SLC25A17: variants seen among roughly 807,000 people sequenced by gnomAD.
The protein encoded by SLC25A17 is peroxisomal membrane protein PMP34.
A neutral mutation model predicts 38.5 loss-of-function variants in SLC25A17; 26 were observed. The ratio of observed to expected loss-of-function variants is 0.68; its 90% CI spans 0.50 to 0.94. The LOEUF is 0.94. Ranked by LOEUF, SLC25A17 falls within the 40% of genes least tolerant of loss-of-function variation. The probability of loss-of-function intolerance (pLI) is 0.00; values close to 1 mark genes in which losing one functional copy is unlikely to be tolerated. For missense variants in SLC25A17, 333 were observed against 372.7 expected, an observed-to-expected ratio of 0.89 and a Z score of 0.88; for synonymous variants, 139 against 136.2, an observed-to-expected ratio of 1.02 and a Z score of -0.14.
chr22:40,771,380 G>A (rs1181584563), intron 8 of SLC25A17, among the ~76,000 whole-genome samples: 1 of 152,186 alleles, frequency 6.6e-6, no homozygotes, highest in Non-Finnish European at 1.5e-5. Flanking sequence ...AAAGTGCTGG[G>A]ATTACAGGTG....
At chr22:40,779,231 A>C (rs780481388) in intron 4 of SLC25A17, 106 bp from the exon 5 acceptor site, 22 of 1,570,330 alleles carry the variant, frequency 1.4e-5, no homozygotes, top group Non-Finnish European at 1.8e-5. Context: ...TCTGTCACTG[A>C]CCTCTTAGGA....
At chr22:40,808,892 A>G (rs1324576312) in intron 1 of SLC25A17, among the ~76,000 whole-genome samples, 4 of 152,224 alleles carry the variant, frequency 2.6e-5, no homozygotes, top group Non-Finnish European at 5.9e-5. Context: ...ATTCTCTCAC[A>G]GTGTGTAGCA....
In SLC25A17 at chr22:40,770,283, T is replaced by C. The variant is rs922609050; in HGVS notation, c.*551A>G. ...AACAATTTTCATTTCACAAAATAAA[T>C]AGCTCATATCCAAAAAAGACACCTC... On this transcript the variant is annotated 3_prime_UTR_variant, in exon 9 of 9. Transcript: ENST00000435456. The C allele has an allele frequency of 6.6e-6, 1 of 151,992 alleles. No individual in the cohort carries two copies. The highest frequency in any genetic ancestry group is 2.4e-5 in the African/African-American group (1 of 41,394). The allele number at this position is 151,992 out of a possible 1,614,324, so 9.4% of individuals were successfully genotyped here. A position where few individuals can be genotyped will look rare whatever the true frequency, so the allele number is the denominator to read the frequency against.
At chr22:40,778,938 T>A in intron 5 of SLC25A17, 71 bp downstream of exon 5, 1 of 1,305,114 alleles carries the variant, frequency 7.7e-7, no homozygotes, top group Non-Finnish European at 1.1e-6. Flanking sequence ...TGTAGCTTTA[T>A]GTGGCAACAT....
chr22:40,816,940 C>T (rs770427854), intron 1 of SLC25A17, among the ~76,000 whole-genome samples: 1 of 152,164 alleles, frequency 6.6e-6, no homozygotes, highest in Non-Finnish European at 1.5e-5. Context: ...TCCCCTATTG[C>T]AATGCATAGT....
intron 1 of SLC25A17, among the ~76,000 whole-genome samples, chr22:40,803,820 G>GTTTTTTTTTT (rs772323398): frequency 8.5e-6 from 1 of 117,448 alleles, no homozygotes; most frequent in Non-Finnish European, 1.9e-5. Flanking sequence ...GCTAGTTTTT[G>GTTTTTTTTTT]TTTTTTTTTT....
intron 5 of SLC25A17, among the ~76,000 whole-genome samples, chr22:40,777,816 T>C (rs541512686): frequency 1.3e-5 from 2 of 151,522 alleles, no homozygotes; most frequent in East Asian, 1.9e-4. Context: ...TTTCTTGCAA[T>C]GATAGTTTGG....
intron 1 of SLC25A17, among the ~76,000 whole-genome samples, chr22:40,802,481 C>T (rs1034344600): frequency 1.3e-5 from 2 of 152,026 alleles, no homozygotes; most frequent in African/African-American, 4.8e-5. Flanking sequence ...TCCCCCTCTA[C>T]TAAAAATACA....
At chr22:40,777,003 C>T (rs1283305744) in intron 7 of SLC25A17, 37 bp downstream of exon 7, 6 of 1,532,886 alleles carry the variant, frequency 3.9e-6, no homozygotes, top group African/African-American at 2.7e-5. Context: ...TATTCGAATG[C>T]TGTTTGACTA....
intron 4 of SLC25A17, chr22:40,780,314 G>T (rs2057283110): frequency 6.6e-6 from 1 of 152,040 alleles, no homozygotes; most frequent in Non-Finnish European, 1.5e-5. Flanking sequence ...AAAATAAAAG[G>T]CATCACCTAA....
At position 40,769,929 on chromosome 22, in the gene SLC25A17, T is replaced by C. The variant is rs2057165342; in HGVS notation, c.*905A>G. 1 of 152,198 alleles carries C rather than the reference T, an allele frequency of 6.6e-6. No individual in the cohort carries two copies. Among genetic ancestry groups the C allele is most frequent in the African/African-American group, 2.4e-5 (1 of 41,452 alleles). The allele number at this position is 152,198 out of a possible 1,614,324, so 9.4% of individuals were successfully genotyped here. On this transcript the variant is annotated 3_prime_UTR_variant, in exon 9 of 9. Coordinates refer to ENST00000435456, the MANE Select transcript of SLC25A17 (RefSeq NM_006358.4). The stretch of plus-strand genomic sequence containing the variant: ...TGAAATAACCTCAACCAGATGTTTA[T>C]TTTCAAAATATACGGCCTACACCAA...
intron 1 of SLC25A17, among the ~76,000 whole-genome samples, chr22:40,818,890 G>C (rs992716440): frequency 6.6e-6 from 1 of 152,044 alleles, no homozygotes; most frequent in Non-Finnish European, 1.5e-5. Flanking sequence ...GTGTGTGAGT[G>C]TGCGGTGGTA....
chr22:40,785,484 T>C (rs2057330200), intron 4 of SLC25A17, among the ~76,000 whole-genome samples: 1 of 152,220 alleles, frequency 6.6e-6, no homozygotes, highest in Admixed American at 6.5e-5. Flanking sequence ...AAAGGAGTTA[T>C]CCACATGGTT....
chr22:40,795,946 C>T (rs1000827927), intron 2 of SLC25A17, among the ~76,000 whole-genome samples: 2 of 152,046 alleles, frequency 1.3e-5, no homozygotes, highest in African/African-American at 4.8e-5. Flanking sequence ...TGCCACCATG[C>T]CCAGCTAATT....
Position 40,792,548 on chromosome 22 carries a change from T to A in SLC25A17, c.311A>T (p.Asp104Val). 6.2e-7 allele frequency: 1 copy of A among 1,612,686 alleles called. No individual in the cohort carries two copies. The highest frequency in any genetic ancestry group is 8.5e-7 in the Non-Finnish European group (1 of 1,179,270). Residue 104 changes from aspartate to valine, a missense_variant, in exon 4 of 9, where the codon GAT becomes GTT. Physicochemically the swap from Asp to Val is radical, Grantham distance 152. Coordinates refer to ENST00000435456, the MANE Select transcript of SLC25A17 (RefSeq NM_006358.4). Reference protein sequence around the residue: ...VKGQHSTTGKDLVVGFVAGVV... With the variant: ...VKGQHSTTGKVLVVGFVAGVV... Reference sequence around the variant, plus strand: ...ACCTGCAACAAACCCAACTACCAGATCTTTTCCAGTGGTAGAATGTTGACC... The same window carrying A: ...ACCTGCAACAAACCCAACTACCAGAACTTTTCCAGTGGTAGAATGTTGACC...
At chr22:40,808,243 C>A (rs1333533541) in intron 1 of SLC25A17, among the ~76,000 whole-genome samples, 1 of 152,206 alleles carries the variant, frequency 6.6e-6, no homozygotes, top group Non-Finnish European at 1.5e-5. Flanking sequence ...TTACAACACT[C>A]TATCTTCCCA....
At chr22:40,818,702 TC>T (rs1313828879) in intron 1 of SLC25A17, among the ~76,000 whole-genome samples, 154 of 119,056 alleles carry the variant, frequency 1.3e-3, no homozygotes, top group African/African-American at 5.0e-3. Flanking sequence ...CAAGACCCTG[TC>T]CGGAAAAAAA....
chr22:40,812,218 G>A (rs1476607962), intron 1 of SLC25A17, among the ~76,000 whole-genome samples: 2 of 151,862 alleles, frequency 1.3e-5, no homozygotes, highest in Non-Finnish European at 2.9e-5. Flanking sequence ...TCTTAAGAAT[G>A]CATCATCATC....
chr22:40,807,767 T>C (rs1254366208), intron 1 of SLC25A17, among the ~76,000 whole-genome samples: 1 of 151,968 alleles, frequency 6.6e-6, no homozygotes, highest in Admixed American at 6.6e-5. Flanking sequence ...ATAATAATAA[T>C]AATGTACTCC....
Sources: gnomAD v4.1 joint callset for allele counts (sites outside exome capture counted in the v4.1 genomes callset) on GRCh38, gnomAD v4.1.1 for gene constraint, MANE v1.5 for transcripts, NCBI Gene and HGNC (gene_info 2026-07-23, HGNC 2026-07-21) for gene names.